Variants in SHANK2 observed in about 807,000 individuals in gnomAD.
SHANK2 encodes the protein SH3 and multiple ankyrin repeat domains 2.
Under a neutral mutation model 133.7 loss-of-function variants are expected in SHANK2, and 43 were observed. The observed-to-expected ratio is 0.32, with a 90% CI of 0.25 to 0.41. The LOEUF is 0.41. Among genes scored for constraint, SHANK2 ranks in the 10% least tolerant of loss-of-function variants. SHANK2 has a pLI of 1.00. For missense variants in SHANK2, 1,994 were observed against 2,235.8 expected (o/e 0.89, Z 2.18); for synonymous variants, 1,017 against 952.8 (o/e 1.07, Z -1.24).
At chr11:70,576,719 C>A (rs1186436190) in intron 17 of SHANK2, among the ~76,000 whole-genome samples, 1 of 152,232 alleles carries the variant, frequency 6.6e-6, no homozygotes, top group Non-Finnish European at 1.5e-5. Flanking sequence ...ACCTGGCTCT[C>A]CCAGGGCCTC....
intron 11 of SHANK2, among the ~76,000 whole-genome samples, chr11:70,883,982 C>G (rs1237252984): frequency 6.6e-6 from 1 of 152,166 alleles, no homozygotes; most frequent in East Asian, 1.9e-4. Context: ...CCAGAGTCCT[C>G]GGTCTCAGAA....
intron 14 of SHANK2, among the ~76,000 whole-genome samples, chr11:70,701,410 T>C (rs369517006): frequency 2.0e-5 from 3 of 152,142 alleles, no homozygotes; most frequent in Admixed American, 6.5e-5. Flanking sequence ...GGAATCTTTT[T>C]TTTTCTTTTG....
chr11:70,570,266 C>G (rs1247007892), intron 17 of SHANK2, among the ~76,000 whole-genome samples: 1 of 152,216 alleles, frequency 6.6e-6, no homozygotes, highest in African/African-American at 2.4e-5. Context: ...GCCGGGTTTA[C>G]AAGGGGCCCA....
chr11:70,854,892 T>A, intron 11 of SHANK2, among the ~76,000 whole-genome samples: 1 of 152,184 alleles, frequency 6.6e-6, no homozygotes, highest in East Asian at 1.9e-4. Context: ...TACACCTGTG[T>A]TGCACGCAGG....
intron 15 of SHANK2, among the ~76,000 whole-genome samples, chr11:70,670,484 G>A (rs1343448064): frequency 1.1e-4 from 16 of 152,234 alleles, no homozygotes; most frequent in Admixed American, 7.8e-4. Flanking sequence ...CCAGCTCACC[G>A]TGGCAGAGCT....
intron 8 of SHANK2, among the ~76,000 whole-genome samples, chr11:71,087,620 A>C (rs1287199581): frequency 6.6e-6 from 1 of 152,120 alleles, no homozygotes; most frequent in Non-Finnish European, 1.5e-5. Flanking sequence ...ATACGCATTT[A>C]GCTGGTTTTG....
At chr11:71,068,289 A>G (rs1951094796) in intron 9 of SHANK2, among the ~76,000 whole-genome samples, 1 of 152,240 alleles carries the variant, frequency 6.6e-6, no homozygotes, top group Admixed American at 6.5e-5. Context: ...GAAACTGTGA[A>G]TCCTAAATGC....
intron 15 of SHANK2, among the ~76,000 whole-genome samples, chr11:70,679,411 C>T (rs1944978818): frequency 6.6e-6 from 1 of 152,210 alleles, no homozygotes; most frequent in African/African-American, 2.4e-5. Context: ...GCAGGCCTAT[C>T]CCCGGACCAT....
intron 3 of SHANK2, among the ~76,000 whole-genome samples, chr11:71,122,986 A>G (rs1952107407): frequency 6.6e-6 from 1 of 152,104 alleles, no homozygotes; most frequent in Non-Finnish European, 1.5e-5. Context: ...GTGGCAGCAA[A>G]AAAACAGCAG....
At chr11:70,579,524 G>A (rs998881086) in intron 17 of SHANK2, among the ~76,000 whole-genome samples, 1 of 152,160 alleles carries the variant, frequency 6.6e-6, no homozygotes, top group African/African-American at 2.4e-5. Context: ...CTGGGCCCCA[G>A]GTGGCATCTC....
At chr11:70,942,624 G>A (rs1181373904) in intron 10 of SHANK2, 7 of 456,794 alleles carry the variant, frequency 1.5e-5, no homozygotes, top group African/African-American at 1.2e-4. Flanking sequence ...CTAGCAGAGT[G>A]TCATTTCCAC....
intron 11 of SHANK2, among the ~76,000 whole-genome samples, chr11:70,855,167 G>A (rs1949150347): frequency 6.6e-6 from 1 of 152,218 alleles, no homozygotes; most frequent in Admixed American, 6.5e-5. Context: ...ACTTCATGAT[G>A]AGGGATAATT....
intron 15 of SHANK2, among the ~76,000 whole-genome samples, chr11:70,663,148 G>A (rs971907185): frequency 1.3e-5 from 2 of 152,190 alleles, no homozygotes; most frequent in African/African-American, 2.4e-5. Flanking sequence ...CCAGGCCCCC[G>A]TCGCACAGGG....
chr11:71,215,242 C>T (rs1394073049), intron 2 of SHANK2, among the ~76,000 whole-genome samples: 1 of 152,218 alleles, frequency 6.6e-6, no homozygotes, highest in Non-Finnish European at 1.5e-5. Flanking sequence ...TCTCTCTGAG[C>T]CTCGGTGTCC....
chr11:70,882,997 G>A lies in SHANK2; in HGVS notation c.1174+13504C>T, dbSNP rs1366037193. ...GAGCCAGGGTCCCAGAGGTCAAGGT[G>A]GCAGAGAGAGAAGCAGTGTTATGGG... On this transcript the variant is annotated intron_variant, in intron 11 of 25. Transcript: ENST00000601538. This position sits in a 1 kb window ranked among gnomAD's most constrained non-coding sequence, Gnocchi z 4.2. 2.0e-5 allele frequency among the ~76,000 whole-genome samples: 3 copies of A among 152,174 alleles called. No individual in the cohort carries two copies. In the East Asian group the frequency reaches 5.8e-4, roughly 29 times the overall value.
intron 9 of SHANK2, among the ~76,000 whole-genome samples, chr11:71,057,343 A>AAAAC (rs1484819154): frequency 1.4e-4 from 22 of 152,306 alleles, no homozygotes; most frequent in African/African-American, 4.6e-4. Context: ...CTCAAAACAA[A>AAAAC]AAACAAACAA....
chr11:71,177,193 A>C (rs1020279524), intron 2 of SHANK2, among the ~76,000 whole-genome samples: 4 of 152,200 alleles, frequency 2.6e-5, no homozygotes, highest in Admixed American at 2.0e-4. Context: ...TTCTTGAGGC[A>C]GAAGAAAATG....
chr11:70,618,934 C>T (rs1379405944), intron 17 of SHANK2, among the ~76,000 whole-genome samples: 2 of 152,216 alleles, frequency 1.3e-5, no homozygotes, highest in Non-Finnish European at 2.9e-5. Context: ...AGGGGACACA[C>T]AGGCTGACCC....
At chr11:70,893,715 A>C (rs977888799) in intron 11 of SHANK2, among the ~76,000 whole-genome samples, 1 of 152,194 alleles carries the variant, frequency 6.6e-6, no homozygotes, top group African/African-American at 2.4e-5. Context: ...TAGATTTTCT[A>C]AACTATCCTT....
Sources: allele counts gnomAD v4.1 joint callset (sites outside exome capture counted in the v4.1 genomes callset), GRCh38; gene constraint gnomAD v4.1.1; non-coding constraint Gnocchi (gnomAD v3.1); transcripts MANE v1.5; gene names NCBI Gene and HGNC (gene_info 2026-07-23, HGNC 2026-07-21).